The following ADAMTS6 variants were observed in gnomAD, a reference collection of about 807,000 sequenced individuals.
The protein encoded by ADAMTS6 is ADAM metallopeptidase with thrombospondin type 1 motif 6, also known as A disintegrin and metalloproteinase with thrombospondin motifs 6.
ADAMTS6 carries 23 observed loss-of-function variants against 144.3 expected under a neutral mutation model. That is an observed-to-expected ratio of 0.16 (90% confidence interval 0.11 to 0.23). ADAMTS6 has a LOEUF of 0.23. Among genes scored for constraint, ADAMTS6 ranks in the 10% least tolerant of loss-of-function variants. The pLI, the probability that ADAMTS6 is intolerant of heterozygous loss-of-function variation, is 1.00. For missense variants in ADAMTS6, 999 were observed against 1,379.6 expected, an observed-to-expected ratio of 0.72 and a Z score of 4.37; for synonymous variants, 444 against 457.5, an observed-to-expected ratio of 0.97 and a Z score of 0.38.
chr5:65,239,673 G>A (rs1160326841), intron 15 of ADAMTS6, among the ~76,000 whole-genome samples: 1 of 152,098 alleles, frequency 6.6e-6, no homozygotes. Flanking sequence ...TACCACTTGA[G>A]AAGGTAAAAC....
intron 23 of ADAMTS6, among the ~76,000 whole-genome samples, chr5:65,171,574 C>T (rs905443511): frequency 6.6e-6 from 1 of 152,176 alleles, no homozygotes; most frequent in African/African-American, 2.4e-5. Flanking sequence ...GCTAGGAAAT[C>T]ACTATTGCTC....
At chr5:65,304,012 T>C (rs1743699625) in intron 9 of ADAMTS6, among the ~76,000 whole-genome samples, 1 of 152,148 alleles carries the variant, frequency 6.6e-6, no homozygotes, top group African/African-American at 2.4e-5. Context: ...AGCCAACAGA[T>C]TTTAAAACCA....
intron 24 of ADAMTS6, among the ~76,000 whole-genome samples, chr5:65,161,232 C>G (rs1199479917): frequency 6.6e-6 from 1 of 151,292 alleles, no homozygotes; most frequent in Non-Finnish European, 1.5e-5. Context: ...GAGAAGGTGT[C>G]TCCCTATGTT....
At chr5:65,375,271 A>T (rs1300956566) in intron 7 of ADAMTS6, among the ~76,000 whole-genome samples, 1 of 152,176 alleles carries the variant, frequency 6.6e-6, no homozygotes, top group African/African-American at 2.4e-5. Flanking sequence ...GGATCTAATT[A>T]AACTAAAGAG....
chr5:65,305,442 C>T (rs1341039146), intron 9 of ADAMTS6, among the ~76,000 whole-genome samples: 2 of 151,948 alleles, frequency 1.3e-5, no homozygotes, highest in Non-Finnish European at 2.9e-5. Flanking sequence ...CAAGAAGGGT[C>T]CCTGCTTGAA....
chr5:65,390,162 A>G (rs1281507433), intron 7 of ADAMTS6, among the ~76,000 whole-genome samples: 1 of 152,228 alleles, frequency 6.6e-6, no homozygotes, highest in Non-Finnish European at 1.5e-5. Context: ...ATTAATATTA[A>G]TAAGGTCATA....
chr5:65,170,865 A>G, intron 23 of ADAMTS6, 92 bp from the exon 24 acceptor site: 2 of 1,371,064 alleles, frequency 1.5e-6, no homozygotes, highest in Non-Finnish European at 9.9e-7. Context: ...ACAACACAAT[A>G]TGAACTTTTT....
intron 15 of ADAMTS6, among the ~76,000 whole-genome samples, chr5:65,231,612 T>C (rs920571827): frequency 6.6e-6 from 1 of 152,154 alleles, no homozygotes; most frequent in African/African-American, 2.4e-5. Context: ...TTTTCCAAGA[T>C]ACATACATGT....
At position 65,242,188 on chromosome 5, in the gene ADAMTS6, G is replaced by C. The variant is rs1427926234; in HGVS notation, c.1849C>G (p.Arg617Gly). The C allele has an allele frequency of 1.9e-6, 3 of 1,595,368 alleles. No homozygotes were observed. In the South Asian group the frequency reaches 3.4e-5, roughly 18 times the overall value. Residue 617 changes from arginine to glycine, a missense_variant, in exon 15 of 25, where the codon CGA becomes GGA. Physicochemically the swap from Arg to Gly is moderately radical, Grantham distance 125. Around this residue, in one of 3 missense-constraint regions of ADAMTS6, gnomAD observed 619 missense variants for 837.0 expected, o/e 0.74. Transcript: ENST00000381055. ...CNTDPCPLGS[R>G]DFREKQCADF... Reference sequence around the variant, plus strand: ...GCACACTGTTTCTCTCGAAAATCTCGGGAACCCAAAGGGCATGGCTAAAAT... The same window carrying C: ...GCACACTGTTTCTCTCGAAAATCTCCGGAACCCAAAGGGCATGGCTAAAAT...
chr5:65,406,110 CCT>C (rs955266209), intron 7 of ADAMTS6, among the ~76,000 whole-genome samples: 1 of 152,168 alleles, frequency 6.6e-6, no homozygotes, highest in African/African-American at 2.4e-5. Context: ...AATTTGACTT[CCT>C]CTTTTCCTAA....
chr5:65,265,869 C>T (rs987418041), intron 12 of ADAMTS6, among the ~76,000 whole-genome samples: 3 of 151,034 alleles, frequency 2.0e-5, no homozygotes, highest in South Asian at 2.1e-4. Flanking sequence ...GTCTAAAATA[C>T]GTAAAAAAAT....
chr5:65,345,392 A>G (rs1279882037), intron 7 of ADAMTS6, among the ~76,000 whole-genome samples: 1 of 151,814 alleles, frequency 6.6e-6, no homozygotes, highest in African/African-American at 2.4e-5. Context: ...AATCAAAACA[A>G]TTTAAAAGGT....
intron 7 of ADAMTS6, among the ~76,000 whole-genome samples, chr5:65,417,626 C>T (rs985621767): frequency 1.1e-4 from 16 of 152,106 alleles, no homozygotes; most frequent in African/African-American, 3.9e-4. Flanking sequence ...ATCCCACTTA[C>T]AATAGCCACA....
chr5:65,285,730 T>C (rs1763312892), intron 11 of ADAMTS6, among the ~76,000 whole-genome samples: 1 of 152,134 alleles, frequency 6.6e-6, no homozygotes, highest in African/African-American at 2.4e-5. Context: ...GAAGTGTGTG[T>C]GTATGTGTCT....
chr5:65,238,251 T>C lies in ADAMTS6; in HGVS notation c.1933+3853A>G, dbSNP rs114939548. ...GTAATAAAAGGCATAAAGATTCAAA[T>C]AGATTGTCTCTATTTCAGGACAACA... On this transcript the variant is annotated intron_variant, in intron 15 of 24. Transcript: ENST00000381055. 4.7e-3 allele frequency among the ~76,000 whole-genome samples: 716 copies of C among 152,276 alleles called. 2 individuals carry two copies. The highest frequency in any genetic ancestry group is 0.016 in the African/African-American group (670 of 41,544).
At chr5:65,324,314 T>A (rs1008542139) in intron 9 of ADAMTS6, among the ~76,000 whole-genome samples, 1 of 152,178 alleles carries the variant, frequency 6.6e-6, no homozygotes, top group Non-Finnish European at 1.5e-5. Flanking sequence ...TAGATCTAAA[T>A]ATAAAAGCTA....
intron 3 of ADAMTS6, among the ~76,000 whole-genome samples, chr5:65,467,219 G>A (rs547235830): frequency 1.3e-5 from 2 of 152,070 alleles, no homozygotes; most frequent in Non-Finnish European, 2.9e-5. Flanking sequence ...AAAGATAAGC[G>A]AAGCAGAGAA....
chr5:65,474,704 A>G (rs1338897296), intron 1 of ADAMTS6, among the ~76,000 whole-genome samples: 1 of 149,686 alleles, frequency 6.7e-6, no homozygotes, highest in African/African-American at 2.4e-5. Context: ...ACAGAATAGT[A>G]TATTTGGCTG....
intron 7 of ADAMTS6, among the ~76,000 whole-genome samples, chr5:65,363,955 T>C (rs1337158263): frequency 6.6e-6 from 1 of 152,230 alleles, no homozygotes; most frequent in Non-Finnish European, 1.5e-5. Flanking sequence ...ATATTTAATT[T>C]GATCTAAGCC....
Sources: gnomAD v4.1 joint callset for allele counts (sites outside exome capture counted in the v4.1 genomes callset) on GRCh38, gnomAD v4.1.1 for gene constraint, gnomAD v4.1.1 regional missense constraint, MANE v1.5 for transcripts, NCBI Gene and HGNC (gene_info 2026-07-23, HGNC 2026-07-21) for gene names.